Variants in PCDH15 observed in about 807,000 individuals in gnomAD.
The protein encoded by PCDH15 is protocadherin-15.
Under a neutral mutation model 178.5 loss-of-function variants are expected in PCDH15, and 129 were observed. The observed-to-expected ratio is 0.72, with a 90% CI of 0.63 to 0.84. PCDH15 has a LOEUF of 0.84. Ranked by LOEUF, PCDH15 falls within the 40% of genes least tolerant of loss-of-function variation. The probability of loss-of-function intolerance (pLI) is 0.00; values close to 1 mark genes in which losing one functional copy is unlikely to be tolerated. For missense variants in PCDH15, 2,230 were observed against 2,099.9 expected, an observed-to-expected ratio of 1.06 and a Z score of -1.21; for synonymous variants, 800 against 732.0, an observed-to-expected ratio of 1.09 and a Z score of -1.50.
At chr10:54,261,874 C>T (rs1239813733) in intron 8 of PCDH15, among the ~76,000 whole-genome samples, 1 of 152,092 alleles carries the variant, frequency 6.6e-6, no homozygotes, top group Non-Finnish European at 1.5e-5. Context: ...AGTAAACCGT[C>T]ACATTTTAAA....
chr10:55,322,808 G>A (rs1843934210), upstream of PCDH15, among the ~76,000 whole-genome samples: 1 of 151,232 alleles, frequency 6.6e-6, no homozygotes, highest in Non-Finnish European at 1.5e-5. Context: ...AAAAAATGGG[G>A]GGGGAGAAAT....
intron 2 of PCDH15, among the ~76,000 whole-genome samples, chr10:54,574,432 T>G (rs1241196792): frequency 6.6e-6 from 1 of 152,084 alleles, no homozygotes; most frequent in Non-Finnish European, 1.5e-5. Context: ...ACTGTAGCCT[T>G]GTATTATAGT....
chr10:55,473,034 G>A (rs1009036781), intron 2 of PCDH15, among the ~76,000 whole-genome samples: 2 of 152,108 alleles, frequency 1.3e-5, no homozygotes, highest in Non-Finnish European at 2.9e-5. Flanking sequence ...ACATTAGAGT[G>A]GAATGTCCTA....
chr10:54,171,382 C>T (rs1440312183), intron 13 of PCDH15, among the ~76,000 whole-genome samples: 1 of 152,194 alleles, frequency 6.6e-6, no homozygotes, highest in Non-Finnish European at 1.5e-5. Context: ...CCTCAGAATG[C>T]TACAGGGGTA....
intron 2 of PCDH15, among the ~76,000 whole-genome samples, chr10:55,423,174 AG>A (rs1487012445): frequency 1.3e-5 from 2 of 151,974 alleles, no homozygotes; most frequent in African/African-American, 4.8e-5. Context: ...TGATTAAAAA[AG>A]TTTTGCTTTA....
At chr10:55,465,193 T>G (rs1355013066) in intron 2 of PCDH15, among the ~76,000 whole-genome samples, 2 of 152,194 alleles carry the variant, frequency 1.3e-5, no homozygotes, top group African/African-American at 4.8e-5. Context: ...GTCTGAAATC[T>G]GCAGGGTAGG....
intron 3 of PCDH15, among the ~76,000 whole-genome samples, chr10:54,459,226 C>T (rs2077019423): frequency 6.6e-6 from 1 of 152,034 alleles, no homozygotes; most frequent in South Asian, 2.1e-4. Flanking sequence ...CCCAGAAAGG[C>T]TTTGGACACC....
intron 10 of PCDH15, among the ~76,000 whole-genome samples, chr10:54,208,267 T>A (rs2051035181): frequency 6.6e-6 from 1 of 152,184 alleles, no homozygotes; most frequent in Middle Eastern, 3.4e-3. Flanking sequence ...TTACTTTGCC[T>A]TACCTTAGAG....
intron 3 of PCDH15, among the ~76,000 whole-genome samples, chr10:54,852,178 G>A (rs1266322710): frequency 6.6e-6 from 1 of 152,118 alleles, no homozygotes; most frequent in Non-Finnish European, 1.5e-5. Flanking sequence ...ATTATTTTTG[G>A]TATCTAGGGA....
At chr10:54,778,906 T>A (rs1949982857) in intron 1 of PCDH15, among the ~76,000 whole-genome samples, 1 of 152,086 alleles carries the variant, frequency 6.6e-6, no homozygotes, top group Non-Finnish European at 1.5e-5. Context: ...AAAGGCATGT[T>A]GGCAGTGATG....
intron 4 of PCDH15, among the ~76,000 whole-genome samples, chr10:54,375,787 TGGA>T (rs1253953331): frequency 9.5e-5 from 11 of 115,238 alleles, no homozygotes; most frequent in African/African-American, 3.5e-4. Flanking sequence ...ATATTTGAAA[TGGA>T]ATATATATAT....
At chr10:54,200,134 C>A (rs571774839) in intron 10 of PCDH15, among the ~76,000 whole-genome samples, 22 of 152,078 alleles carry the variant, frequency 1.4e-4, no homozygotes, top group African/African-American at 5.1e-4. Flanking sequence ...AATATGAAAC[C>A]TTTCAAGTAG....
intron 2 of PCDH15, among the ~76,000 whole-genome samples, chr10:55,489,084 A>C (rs1840360188): frequency 6.6e-6 from 1 of 151,474 alleles, no homozygotes; most frequent in South Asian, 2.1e-4. Context: ...ACTCAATATA[A>C]ATCAATTATT....
chr10:55,551,473 G>A (rs1564449926), intron 2 of PCDH15, among the ~76,000 whole-genome samples: 1 of 151,762 alleles, frequency 6.6e-6, no homozygotes, highest in Non-Finnish European at 1.5e-5. Flanking sequence ...CTGGTAATAA[G>A]AAATGTATTT....
At chr10:55,230,542 A>G (rs924599755) in intron 1 of PCDH15, among the ~76,000 whole-genome samples, 2 of 152,108 alleles carry the variant, frequency 1.3e-5, no homozygotes, top group African/African-American at 4.8e-5. Context: ...ATTGAATATA[A>G]GGAAAATATG....
At chr10:54,950,222 A>G (rs1838303592) in intron 2 of PCDH15, among the ~76,000 whole-genome samples, 1 of 151,990 alleles carries the variant, frequency 6.6e-6, no homozygotes, top group Non-Finnish European at 1.5e-5. Context: ...TACAATCATG[A>G]CAGAAGTCAA....
intron 2 of PCDH15, among the ~76,000 whole-genome samples, chr10:54,578,324 C>G (rs563866363): frequency 2.6e-5 from 4 of 151,980 alleles, no homozygotes; most frequent in Non-Finnish European, 5.9e-5. Context: ...GAGTCTCAAA[C>G]CCTTGATTGA....
In PCDH15 at chr10:54,421,687, TATATATAC is replaced by T. The variant is rs1317132487; in HGVS notation, c.158-42753_158-42746del. ...GTATATATACATATATATATATATATATATATACACACACACACACACACTATATATAT... is the reference window on the plus strand; with the variant it reads ...GTATATATACATATATATATATATATACACACACACACACACTATATATAT... On this transcript the variant is annotated intron_variant, in intron 3 of 37. Coordinates refer to ENST00000644397, the MANE Select transcript of PCDH15 (RefSeq NM_001384140.1). Among the ~76,000 whole-genome samples the T allele has an allele frequency of 6.2e-4, 75 of 121,554 alleles. 2 individuals carry two copies. Among genetic ancestry groups the T allele is most frequent in the African/African-American group, 2.5e-3 (66 of 26,728 alleles). 79.7% of individuals were successfully genotyped at this position (121,554 alleles called of 152,430 possible).
intron 2 of PCDH15, among the ~76,000 whole-genome samples, chr10:54,536,084 T>G (rs1589958289): frequency 6.6e-6 from 1 of 152,194 alleles, no homozygotes; most frequent in South Asian, 2.1e-4. Flanking sequence ...GTCCAAGGTG[T>G]AATATTACCA....
Sources: gnomAD v4.1 joint callset for allele counts (sites outside exome capture counted in the v4.1 genomes callset) on GRCh38, gnomAD v4.1.1 for gene constraint, MANE v1.5 for transcripts, NCBI Gene and HGNC (gene_info 2026-07-23, HGNC 2026-07-21) for gene names.